Variants in KIF7 observed in about 807,000 individuals in gnomAD.
The protein encoded by KIF7 is kinesin family member 7.
Under a neutral mutation model 135.7 loss-of-function variants are expected in KIF7, and 104 were observed. The observed-to-expected ratio is 0.77, with a 90% CI of 0.65 to 0.90. The LOEUF is 0.90. Among genes scored for constraint, KIF7 ranks in the 40% least tolerant of loss-of-function variants. The pLI is 0.00. For missense variants in KIF7, 2,005 were observed against 1,839.1 expected, an observed-to-expected ratio of 1.09 and a Z score of -1.65; for synonymous variants, 883 against 809.4, an observed-to-expected ratio of 1.09 and a Z score of -1.54.
intron 11 of KIF7, among the ~76,000 whole-genome samples, chr15:89,634,456 G>A (rs1963758507): frequency 6.6e-6 from 1 of 152,208 alleles, no homozygotes; most frequent in Non-Finnish European, 1.5e-5. Context: ...GTGGGCGCAG[G>A]TCAGTGGGTG....
intron 1 of KIF7, among the ~76,000 whole-genome samples, chr15:89,620,420 C>G (rs1356913476): frequency 6.6e-6 from 1 of 152,020 alleles, no homozygotes; most frequent in Non-Finnish European, 1.5e-5. Context: ...GTTGCCCAGG[C>G]TGGTCTTGAA....
chr15:89,659,963 G>A (rs908492990), upstream of KIF7, among the ~76,000 whole-genome samples: 4 of 152,222 alleles, frequency 2.6e-5, no homozygotes, highest in South Asian at 4.1e-4. Context: ...TCGGGGGACC[G>A]AGGTGGGTGG....
At chr15:89,633,966 C>T (rs144494245) in intron 11 of KIF7, 83 bp from the exon 12 acceptor site, 101 of 1,481,564 alleles carry the variant, frequency 6.8e-5, no homozygotes, top group Non-Finnish European at 9.3e-5. Flanking sequence ...CAAGGGCAGG[C>T]AGATAGAGGG....
At chr15:89,633,118 G>C in intron 13 of KIF7, 23 bp downstream of exon 13, 1 of 1,601,568 alleles carries the variant, frequency 6.2e-7, no homozygotes, top group Non-Finnish European at 8.5e-7. Flanking sequence ...GGAGCCCTGG[G>C]TGCGGACACA....
At chr15:89,658,740 T>C (rs571311314), upstream of KIF7, among the ~76,000 whole-genome samples, 7 of 152,080 alleles carry the variant, frequency 4.6e-5, no homozygotes, top group African/African-American at 1.7e-4. Flanking sequence ...GGTGTGCACC[T>C]GTAGTCCCAG....
chr15:89,631,286 T>C (rs1263177042), intron 15 of KIF7, among the ~76,000 whole-genome samples: 1 of 152,200 alleles, frequency 6.6e-6, no homozygotes, highest in African/African-American at 2.4e-5. Flanking sequence ...CAGCACAGCC[T>C]GGCCCCTGTG....
At chr15:89,653,055 G>T in intron 1 of KIF7, 101 bp from the exon 2 acceptor site, 2 of 943,532 alleles carry the variant, frequency 2.1e-6, no homozygotes, top group Non-Finnish European at 3.0e-6. Flanking sequence ...TCCTGACCTT[G>T]GAGGGATTGG....
chr15:89,646,910 C>G lies in KIF7; in HGVS notation c.1708G>C (p.Gly570Arg), dbSNP rs569225496. The G allele has an allele frequency of 1.2e-5, 20 of 1,614,062 alleles. No homozygotes were observed. In the African/African-American group the frequency reaches 2.1e-4, roughly 17 times the overall value. ...VPRPHTAPLGGAHAHVLGMVP... is the reference protein window; with the variant it reads ...VPRPHTAPLGRAHAHVLGMVP... ...ATGCCCAGCACATGGGCGTGGGCAC[C>G]CCCCAGGGGGGCTGTATGAGGTCGA... The change falls in exon 7 of 19, where the codon GGT (glycine) becomes CGT (arginine). Residue 570 changes from glycine to arginine, a missense_variant. Gly to Arg is a moderately radical substitution (Grantham distance 125). Transcript: ENST00000394412.
In KIF7 at chr15:89,619,422, C is replaced by T. The variant is rs571331402; in HGVS notation, c.181-1227G>A. 1.2e-3 allele frequency among the ~76,000 whole-genome samples: 184 copies of T among 152,108 alleles called. 1 individual carries two copies. The highest frequency in any genetic ancestry group is 4.4e-3 in the African/African-American group (181 of 41,500). On this transcript the variant is annotated intron_variant and NMD_transcript_variant, in intron 1 of 2. Coordinates refer to the KIF7 transcript ENST00000558928. ...TGTATTTTTAGTAGAGACAGGGTTT[C>T]ACCTTGTTGGTCAGGCTGGCTACAC...
intron 1 of KIF7, among the ~76,000 whole-genome samples, chr15:89,653,238 C>T (rs975044914): frequency 1.4e-4 from 22 of 152,218 alleles, no homozygotes; most frequent in African/African-American, 5.1e-4. Flanking sequence ...CCTATGGCCC[C>T]TATGGCCCCA....
the KIF7 span, among the ~76,000 whole-genome samples, chr15:89,661,600 G>A: frequency 5.3e-5 from 8 of 152,190 alleles, 1 homozygote; most frequent in South Asian, 2.1e-4. Flanking sequence ...CCCTCTCTGC[G>A]CACAGAGGAA....
intron 10 of KIF7, among the ~76,000 whole-genome samples, chr15:89,644,088 T>C (rs1161598563): frequency 1.3e-5 from 2 of 152,150 alleles, no homozygotes; most frequent in African/African-American, 2.4e-5. Context: ...TGGAAAACTC[T>C]TGGTAACTAC....
chr15:89,637,504 C>T (rs1217101505), intron 11 of KIF7, among the ~76,000 whole-genome samples: 1 of 152,166 alleles, frequency 6.6e-6, no homozygotes, highest in Non-Finnish European at 1.5e-5. Context: ...ACCGATCCCA[C>T]AGAAATACAG....
intron 14 of KIF7, 81 bp downstream of exon 14, chr15:89,632,739 G>A (rs1273435026): frequency 1.4e-6 from 2 of 1,463,176 alleles, no homozygotes; most frequent in African/African-American, 1.4e-5. Context: ...CTTGGCAGGA[G>A]CTCACCTGGC....
At chr15:89,657,201 G>A (rs528043354), upstream of KIF7, among the ~76,000 whole-genome samples, 1 of 151,840 alleles carries the variant, frequency 6.6e-6, no homozygotes, top group Non-Finnish European at 1.5e-5. Context: ...AGCTACTTGG[G>A]AGGTTGAAGT....
intron 1 of KIF7, among the ~76,000 whole-genome samples, chr15:89,654,123 C>T (rs1372494503): frequency 3.3e-5 from 5 of 152,158 alleles, no homozygotes; most frequent in Admixed American, 3.3e-4. Context: ...CATTCTCCTG[C>T]CTCAGCCTCC....
At chr15:89,625,249 TGTACCCCCACCCACGGCCCTTCTA>T (rs779704341), downstream of KIF7, 110 of 1,613,380 alleles carry the variant, frequency 6.8e-5, no homozygotes, top group Non-Finnish European at 8.6e-5. Flanking sequence ...CTGCCAGGCC[TGTACCCCCACCCACGGCCCTTCTA>T]GTACCCCCTC....
intron 1 of KIF7, 50 bp from the exon 2 acceptor site, chr15:89,653,004 C>A: frequency 7.3e-7 from 1 of 1,367,360 alleles, no homozygotes; most frequent in Non-Finnish European, 9.7e-7. Context: ...ACTCCAGGAG[C>A]TGGACTCACC....
chr15:89,647,066 C>CA lies in KIF7; in HGVS notation c.1561-10dup, dbSNP rs1964027389. 3 of 1,572,428 alleles carry CA rather than the reference C, an allele frequency of 1.9e-6. No homozygotes were observed. The highest frequency in any genetic ancestry group is 2.6e-6 in the Non-Finnish European group (3 of 1,161,844). On this transcript the variant is annotated splice_polypyrimidine_tract_variant and intron_variant, in intron 6 of 18. Transcript: ENST00000394412. ...TCACGCAGCCGGTCGCTCTGCAAGA[C>CA]ATGGTCCAGGTGCCAAGGGGGCATG...
Sources: gnomAD v4.1 joint callset for allele counts (sites outside exome capture counted in the v4.1 genomes callset) on GRCh38, gnomAD v4.1.1 for gene constraint, MANE v1.5 for transcripts, NCBI Gene and HGNC (gene_info 2026-07-23, HGNC 2026-07-21) for gene names.